LUZP2: variants seen among roughly 807,000 people sequenced by gnomAD.
The protein encoded by LUZP2 is leucine zipper protein 2.
LUZP2 carries 52 observed loss-of-function variants against 51.6 expected under a neutral mutation model. The observed-to-expected ratio is 1.01, with a 90% CI of 0.81 to 1.27. The LOEUF (loss-of-function observed/expected upper bound fraction) is 1.27, where lower values mean the gene tolerates loss of function less well. LUZP2 is among the 50% of genes most tolerant of loss of function. LUZP2 has a pLI of 0.00. For synonymous variants in LUZP2, 154 were observed against 137.3 expected, an observed-to-expected ratio of 1.12 and a Z score of -0.85; for missense variants, 436 against 395.4, an observed-to-expected ratio of 1.10 and a Z score of -0.87.
intron 9 of LUZP2, among the ~76,000 whole-genome samples, chr11:25,018,921 A>G (rs2133971051): frequency 6.6e-6 from 1 of 152,210 alleles, no homozygotes; most frequent in South Asian, 2.1e-4. Flanking sequence ...TCTTCCCTTT[A>G]AATGACTTTA....
At chr11:24,993,544 C>G (rs920338640) in intron 9 of LUZP2, among the ~76,000 whole-genome samples, 1 of 152,076 alleles carries the variant, frequency 6.6e-6, no homozygotes, top group Non-Finnish European at 1.5e-5. Context: ...TATGATTAAT[C>G]ATATACACAG....
intron 1 of LUZP2, among the ~76,000 whole-genome samples, chr11:24,656,201 A>T (rs1855797136): frequency 6.6e-6 from 1 of 152,200 alleles, no homozygotes; most frequent in South Asian, 2.1e-4. Flanking sequence ...ATTGTCTAGG[A>T]CAAATACATT....
Position 25,080,298 on chromosome 11 carries a change from GA to G in LUZP2, c.*1641del, listed in dbSNP as rs1236775355. On this transcript the variant is annotated 3_prime_UTR_variant, in exon 12 of 12. Transcript: ENST00000336930. Reference sequence around the variant, plus strand: ...TGTTAGACAATTTGCCCAACTGTAGGATGAGGTATATGTTCTGAGCACGTTT... The same window carrying G: ...TGTTAGACAATTTGCCCAACTGTAGGTGAGGTATATGTTCTGAGCACGTTT... The G allele has an allele frequency of 6.6e-6, 1 of 152,164 alleles. No individual in the cohort carries two copies. The highest frequency in any genetic ancestry group is 2.4e-5 in the African/African-American group (1 of 41,446). 9.4% of individuals were successfully genotyped at this position (152,164 alleles called of 1,614,324 possible). A position where few individuals can be genotyped will look rare whatever the true frequency, so the allele number is the denominator to read the frequency against.
chr11:25,021,425 TTGTG>T (rs3992972), intron 9 of LUZP2, among the ~76,000 whole-genome samples: 34 of 149,342 alleles, frequency 2.3e-4, no homozygotes, highest in Admixed American at 2.0e-4. Context: ...TGCACACAGG[TTGTG>T]TGTGTGTGTG....
chr11:25,075,672 T>A (rs1156950), intron 10 of LUZP2, among the ~76,000 whole-genome samples: 80,784 of 151,798 alleles, frequency 0.53, 22,230 homozygotes, highest in African/African-American at 0.62. Context: ...AAAAGATAAA[T>A]TATGGCAGAA....
At chr11:24,950,583 A>C (rs2133862778) in intron 7 of LUZP2, among the ~76,000 whole-genome samples, 1 of 151,698 alleles carries the variant, frequency 6.6e-6, no homozygotes, top group Non-Finnish European at 1.5e-5. Context: ...GACCAACAGA[A>C]ATTTAGCAGT....
intron 1 of LUZP2, among the ~76,000 whole-genome samples, chr11:24,669,172 C>G (rs1279892971): frequency 1.3e-5 from 2 of 152,134 alleles, no homozygotes; most frequent in African/African-American, 4.8e-5. Context: ...CTTTAACTTT[C>G]TCATCAGTAA....
chr11:24,871,450 A>G (rs1852069071), intron 5 of LUZP2, among the ~76,000 whole-genome samples: 1 of 152,032 alleles, frequency 6.6e-6, no homozygotes, highest in South Asian at 2.1e-4. Context: ...GATTCCAGAA[A>G]TCACTCTTCT....
intron 5 of LUZP2, among the ~76,000 whole-genome samples, chr11:24,823,467 T>G (rs1850423421): frequency 6.6e-6 from 1 of 151,360 alleles, no homozygotes; most frequent in South Asian, 2.1e-4. Context: ...TTATATTGAG[T>G]GTAATACAAA....
chr11:24,925,092 A>T (rs1303478117), intron 7 of LUZP2, among the ~76,000 whole-genome samples: 1 of 152,180 alleles, frequency 6.6e-6, no homozygotes, highest in Non-Finnish European at 1.5e-5. Context: ...CCATTTCAAA[A>T]TACGTCAAAG....
intron 5 of LUZP2, among the ~76,000 whole-genome samples, chr11:24,896,228 C>A (rs111261234): frequency 5.3e-5 from 8 of 152,202 alleles, no homozygotes; most frequent in Admixed American, 1.3e-4. Context: ...ACTGTGGGGG[C>A]CCCTCTGTGG....
chr11:24,941,469 C>T (rs1387935563), intron 7 of LUZP2, among the ~76,000 whole-genome samples: 1 of 152,058 alleles, frequency 6.6e-6, no homozygotes. Context: ...TTAATTCATT[C>T]AACAGATGAA....
intron 5 of LUZP2, 36 bp from the exon 6 acceptor site, chr11:24,905,955 C>G (rs756447842): frequency 3.5e-6 from 5 of 1,449,228 alleles, no homozygotes; most frequent in African/African-American, 1.4e-5. Flanking sequence ...AATATTTTGT[C>G]TCTTCTTTGC....
intron 9 of LUZP2, among the ~76,000 whole-genome samples, chr11:25,010,840 C>A (rs1248426107): frequency 6.6e-6 from 1 of 151,902 alleles, no homozygotes; most frequent in East Asian, 1.9e-4. Flanking sequence ...GAGTGAGATA[C>A]CATCCAAATA....
At chr11:24,579,667 A>G (rs1590203506) in intron 1 of LUZP2, among the ~76,000 whole-genome samples, 1 of 152,100 alleles carries the variant, frequency 6.6e-6, no homozygotes, top group Admixed American at 6.6e-5. Flanking sequence ...CTGAAAGTCA[A>G]TTGGTTCATA....
chr11:24,700,605 C>T (rs1857395307), intron 1 of LUZP2, among the ~76,000 whole-genome samples: 1 of 152,062 alleles, frequency 6.6e-6, no homozygotes, highest in Admixed American at 6.6e-5. Context: ...GCTATATCCC[C>T]CAAACTTAAA....
chr11:25,079,169 T>C lies in LUZP2; in HGVS notation c.*511T>C, dbSNP rs1859403571. ...ATGGTGTTTATTGCTATTGGTATTATTTTGAACTAATAACAATTATTTTGT... is the reference window on the plus strand; with the variant it reads ...ATGGTGTTTATTGCTATTGGTATTACTTTGAACTAATAACAATTATTTTGT... On this transcript the variant is annotated 3_prime_UTR_variant, in exon 12 of 12. Coordinates refer to ENST00000336930, the MANE Select transcript of LUZP2 (RefSeq NM_001009909.4). The C allele has an allele frequency of 1.3e-5, 2 of 152,378 alleles. No homozygotes were observed. Among genetic ancestry groups the C allele is most frequent in the African/African-American group, 2.4e-5 (1 of 41,478 alleles). 9.4% of individuals were successfully genotyped at this position (152,378 alleles called of 1,614,324 possible).
chr11:24,502,156 A>C (rs1305617886), intron 1 of LUZP2, among the ~76,000 whole-genome samples: 11 of 151,802 alleles, frequency 7.2e-5, no homozygotes, highest in Non-Finnish European at 2.9e-5. Context: ...GTTAGCCTGT[A>C]CAGTTATTAT....
chr11:24,520,088 A>T (rs1850596193), intron 1 of LUZP2, among the ~76,000 whole-genome samples: 1 of 152,228 alleles, frequency 6.6e-6, no homozygotes, highest in African/African-American at 2.4e-5. Context: ...AATAAAGCAT[A>T]AAATCCACAA....
Sources: allele counts gnomAD v4.1 joint callset (sites outside exome capture counted in the v4.1 genomes callset), GRCh38; gene constraint gnomAD v4.1.1; transcripts MANE v1.5; gene names NCBI Gene and HGNC (gene_info 2026-07-23, HGNC 2026-07-21).